Variants in SCNN1A observed in about 807,000 individuals in gnomAD.
SCNN1A encodes the protein epithelial sodium channel subunit alpha.
A neutral mutation model predicts 68.6 loss-of-function variants in SCNN1A; 65 were observed. The ratio of observed to expected loss-of-function variants is 0.95; its 90% CI spans 0.78 to 1.16. SCNN1A has a LOEUF of 1.16. Among genes scored for constraint, SCNN1A ranks in the 50% most tolerant of loss-of-function variants. The probability of loss-of-function intolerance (pLI) is 0.00; values close to 1 mark genes in which losing one functional copy is unlikely to be tolerated. For missense variants in SCNN1A, 880 were observed against 865.9 expected (o/e 1.02, Z -0.20); for synonymous variants, 357 against 353.3 (o/e 1.01, Z -0.12).
chr12:6,375,186 G>C, intron 1 of SCNN1A: 1 of 1,451,702 alleles, frequency 6.9e-7, no homozygotes, highest in African/African-American at 1.4e-5. Context: ...CTGTGTCTCA[G>C]CTCCTGCCTC....
rs555887215 is a variant in SCNN1A, at chr12:6,350,381, G to C, written c.1361-976C>G. Among the ~76,000 whole-genome samples the C allele has an allele frequency of 1.9e-4, 29 of 149,994 alleles. No individual in the cohort carries two copies. In the South Asian group the frequency reaches 2.3e-3, roughly 12 times the overall value. ...CGGGAGGCGGAGCTTGCAGTGAGCC[G>C]AGATCGCGCCATTGCACACTCTAGC... On this transcript the variant is annotated intron_variant, in intron 8 of 12. Transcript: ENST00000228916.
At position 6,348,971 on chromosome 12, in the gene SCNN1A, T is replaced by C. The variant is rs1369247069; in HGVS notation, c.1532A>G (p.Asn511Ser). 3.1e-6 allele frequency: 5 copies of C among 1,613,934 alleles called. No individual in the cohort carries two copies. The highest frequency in any genetic ancestry group is 2.2e-5 in the South Asian group (2 of 91,084). The change falls in exon 11 of 13, where the codon AAT becomes AGT. Residue 511 changes from asparagine (N) to serine (S), a missense_variant. By Grantham distance (46) the Asn-to-Ser change is conservative. Coordinates refer to ENST00000228916, the MANE Select transcript of SCNN1A (RefSeq NM_001038.6). The stretch of plus-strand genomic sequence containing the variant: ...TGACCTCTTGTTGTTGACGGTGTAA[T>C]TGTTCTGTCGCGATAGCATCTGGAA... ...WVFQMLSRQNNYTVNNKRNGV... is the reference protein window; with the variant it reads ...WVFQMLSRQNSYTVNNKRNGV...
At chr12:6,349,673 T>C (rs1948338552) in intron 8 of SCNN1A, among the ~76,000 whole-genome samples, 1 of 152,052 alleles carries the variant, frequency 6.6e-6, no homozygotes, top group Non-Finnish European at 1.5e-5. Flanking sequence ...TGTGCCTTTG[T>C]ACTCCAACTC....
At chr12:6,369,328 C>T (rs988161607) in intron 2 of SCNN1A, among the ~76,000 whole-genome samples, 3 of 150,780 alleles carry the variant, frequency 2.0e-5, no homozygotes, top group African/African-American at 7.3e-5. Flanking sequence ...CACCTCCCTC[C>T]TGCCACCCTA....
rs769885878 is a variant in SCNN1A, at chr12:6,355,459, T to C, written c.980-24A>G. On this transcript the variant is annotated intron_variant, in intron 5 of 12. Transcript: ENST00000228916. ...ACCTAGGGGTGCAGAGAGAGCAGAGTTGGCAGAGGCGGGAATCCTAGAAAA... is the reference window on the plus strand; with the variant it reads ...ACCTAGGGGTGCAGAGAGAGCAGAGCTGGCAGAGGCGGGAATCCTAGAAAA... 10 of 1,612,746 alleles carry C rather than the reference T, an allele frequency of 6.2e-6. 1 individual carries two copies. The East Asian group carries it at 6.7e-5, about 11-fold the overall frequency.
At chr12:6,354,369 T>C in intron 8 of SCNN1A, 69 bp downstream of exon 8, 1 of 988,366 alleles carries the variant, frequency 1.0e-6, no homozygotes, top group South Asian at 1.3e-5. Flanking sequence ...AACAGGGGAC[T>C]GAGAGGAAAA....
At chr12:6,360,642 C>G (rs534396037) in intron 4 of SCNN1A, among the ~76,000 whole-genome samples, 2 of 152,332 alleles carry the variant, frequency 1.3e-5, no homozygotes, top group Admixed American at 1.3e-4. Flanking sequence ...GACACCTTGC[C>G]CTGTGGCCAT....
intron 8 of SCNN1A, 107 bp downstream of exon 8, chr12:6,354,331 C>T: frequency 1.3e-6 from 1 of 771,664 alleles, no homozygotes; most frequent in South Asian, 1.4e-5. Flanking sequence ...TTCATCCCAG[C>T]AGGTGGGAGC....
intron 2 of SCNN1A, among the ~76,000 whole-genome samples, chr12:6,368,377 C>T (rs578057481): frequency 6.6e-6 from 1 of 152,270 alleles, no homozygotes; most frequent in East Asian, 1.9e-4. Flanking sequence ...CAAGGTTTGA[C>T]AAGTGGGCTG....
rs865917379 is a variant in SCNN1A at position 6,363,657 on chromosome 12, G to C, written c.470C>G (p.Thr157Arg). The C allele has an allele frequency of 6.8e-6, 11 of 1,610,222 alleles. No individual in the cohort carries two copies. Among genetic ancestry groups the C allele is most frequent in the African/African-American group, 6.7e-5 (5 of 74,498 alleles). ...LEELDRITEQTLFDLYKYSSF... is the reference protein window; with the variant it reads ...LEELDRITEQRLFDLYKYSSF... Reference sequence around the variant, plus strand: ...GCTGTATTTGTACAGGTCAAAGAGCGTCTGCTCTGTGATGCGGTCCAGCTC... The same window carrying C: ...GCTGTATTTGTACAGGTCAAAGAGCCTCTGCTCTGTGATGCGGTCCAGCTC... The change falls in exon 3 of 13, where the codon ACG becomes AGG. Residue 157 changes from threonine (T) to arginine (R), a missense_variant. This residue lies in a region of SCNN1A where 758 missense variants were observed against 721.8 expected (regional missense o/e 1.05). Coordinates refer to ENST00000228916, the MANE Select transcript of SCNN1A (RefSeq NM_001038.6).
At chr12:6,359,643 T>C (rs955626793) in intron 4 of SCNN1A, among the ~76,000 whole-genome samples, 2 of 151,912 alleles carry the variant, frequency 1.3e-5, no homozygotes, top group Non-Finnish European at 2.9e-5. Context: ...CTACCATGAG[T>C]AAAAGTTTCC....
chr12:6,362,466 A>G (rs1208016801), intron 3 of SCNN1A, among the ~76,000 whole-genome samples: 1 of 152,166 alleles, frequency 6.6e-6, no homozygotes, highest in Non-Finnish European at 1.5e-5. Flanking sequence ...GGAGACCAGT[A>G]GCTGCACACA....
chr12:6,352,756 C>G (rs994537165), intron 8 of SCNN1A, among the ~76,000 whole-genome samples: 2 of 152,200 alleles, frequency 1.3e-5, no homozygotes, highest in Non-Finnish European at 2.9e-5. Flanking sequence ...CAGGAGGCCA[C>G]GACTGGAAAG....
At chr12:6,355,616 G>A (rs1948483390) in intron 5 of SCNN1A, among the ~76,000 whole-genome samples, 161 bp downstream of exon 5, 1 of 152,214 alleles carries the variant, frequency 6.6e-6, no homozygotes, top group Admixed American at 6.5e-5. Flanking sequence ...AGGAAGACCT[G>A]GGACGGGATT....
In SCNN1A at chr12:6,347,384, G is replaced by A. The variant is rs1417860883; in HGVS notation, c.*489C>T. The A allele has an allele frequency of 6.0e-6, 1 of 165,648 alleles. No individual in the cohort carries two copies. Among genetic ancestry groups the A allele is most frequent in the Non-Finnish European group, 1.3e-5 (1 of 75,154 alleles). The allele number at this position is 165,648 out of a possible 1,614,324, so 10.3% of individuals were successfully genotyped here. On this transcript the variant is annotated 3_prime_UTR_variant, in exon 13 of 13. Coordinates refer to ENST00000228916, the MANE Select transcript of SCNN1A (RefSeq NM_001038.6). ...GTAACAAAGGGGGCTTTTGGGTGGG[G>A]TTTCCCACCCAAGTTCAAGAGGAGG...
chr12:6,350,795 C>T (rs1377388079), intron 8 of SCNN1A, among the ~76,000 whole-genome samples: 1 of 151,752 alleles, frequency 6.6e-6, no homozygotes, highest in Admixed American at 6.6e-5. Context: ...CAAGATCGTG[C>T]CACTGCACTC....
At chr12:6,375,444 C>G in intron 1 of SCNN1A, 61 bp downstream of exon 1, 2 of 1,534,730 alleles carry the variant, frequency 1.3e-6, no homozygotes, top group Non-Finnish European at 1.7e-6. Context: ...CAGGTTGCGG[C>G]TGGACTGGGA....
At chr12:6,369,362 C>T (rs949649892) in intron 2 of SCNN1A, among the ~76,000 whole-genome samples, 4 of 131,444 alleles carry the variant, frequency 3.0e-5, no homozygotes, top group Admixed American at 7.9e-5. Flanking sequence ...TGCCACCCTA[C>T]GCGCCTCCCT....
At position 6,348,822 on chromosome 12, in the gene SCNN1A, G is replaced by T. The variant is rs374266000; in HGVS notation, c.1554-20C>A. ...CCATTTCTTAGGTGTGGGGCAGAGG[G>T]TGGGAAGAAATGGTAGAGGATGAAT... is the stretch of plus-strand genomic sequence containing the variant. On this transcript the variant is annotated intron_variant, in intron 11 of 12. Coordinates refer to ENST00000228916, the MANE Select transcript of SCNN1A (RefSeq NM_001038.6). 3.1e-6 allele frequency: 5 copies of T among 1,612,080 alleles called. No homozygotes were observed. The highest frequency in any genetic ancestry group is 4.2e-6 in the Non-Finnish European group (5 of 1,178,294).
Sources: gnomAD v4.1 joint callset for allele counts (sites outside exome capture counted in the v4.1 genomes callset) on GRCh38, gnomAD v4.1.1 for gene constraint, gnomAD v4.1.1 regional missense constraint, MANE v1.5 for transcripts, NCBI Gene and HGNC (gene_info 2026-07-23, HGNC 2026-07-21) for gene names.